The following NPEPPS variants were observed in gnomAD, a reference collection of about 807,000 sequenced individuals.
The protein encoded by NPEPPS is aminopeptidase puromycin sensitive.
In NPEPPS, 14 loss-of-function variants were observed where a neutral mutation model predicts 115.5. The observed-to-expected ratio is 0.12, with a 90% CI of 0.08 to 0.19. The LOEUF is 0.19. Among genes scored for constraint, NPEPPS ranks in the 10% least tolerant of loss-of-function variants. NPEPPS has a pLI of 1.00. For synonymous variants in NPEPPS, 285 were observed against 390.6 expected, an observed-to-expected ratio of 0.73 and a Z score of 3.19; for missense variants, 523 against 1,110.8, an observed-to-expected ratio of 0.47 and a Z score of 7.52.
chr17:47,553,778 C>T (rs1243638546), intron 2 of NPEPPS, among the ~76,000 whole-genome samples: 3 of 146,298 alleles, frequency 2.1e-5, no homozygotes, highest in African/African-American at 5.1e-5. Context: ...TTTTTTGAGA[C>T]GTTGCTCTGT....
chr17:47,554,123 C>T (rs951827285), intron 2 of NPEPPS, among the ~76,000 whole-genome samples: 4 of 151,334 alleles, frequency 2.6e-5, no homozygotes, highest in East Asian at 1.9e-4. Context: ...TCACTGCAAC[C>T]GCTGCCTCCT....
intron 1 of NPEPPS, among the ~76,000 whole-genome samples, chr17:47,538,869 C>T (rs918192526): frequency 3.3e-5 from 5 of 152,132 alleles, no homozygotes; most frequent in African/African-American, 7.2e-5. Context: ...TTTCCTTACT[C>T]TCATGTTCTT....
At chr17:47,567,295 A>G (rs1430850553) in intron 2 of NPEPPS, among the ~76,000 whole-genome samples, 2 of 152,190 alleles carry the variant, frequency 1.3e-5, no homozygotes. Context: ...ACAGTTTCTT[A>G]ATTGGTTTTG....
At position 47,590,675 on chromosome 17, in the gene NPEPPS, A is replaced by G. The variant is rs148008304; in HGVS notation, c.1096-42A>G. ...AGTGTTTTAGATTAGTAGAATGACA[A>G]TCATTTCATTTTCTTTAAGTATTTT... On this transcript the variant is annotated intron_variant, in intron 9 of 22. Transcript: ENST00000322157. 671 of 1,582,176 alleles carry G rather than the reference A, an allele frequency of 4.2e-4. 11 individuals are homozygous for G. In the East Asian group the frequency reaches 0.014, roughly 32 times the overall value.
Position 47,612,152 on chromosome 17 carries a change from G to C in NPEPPS, c.2096-308G>C, listed in dbSNP as rs958746975. On this transcript the variant is annotated intron_variant, in intron 17 of 22. Transcript: ENST00000322157. ...GGTCAAAACAGCATGATGTAAGCCTGTCCTTTTCACACATAATCCTTAGCA... is the reference window on the plus strand; with the variant it reads ...GGTCAAAACAGCATGATGTAAGCCTCTCCTTTTCACACATAATCCTTAGCA... Among the ~76,000 whole-genome samples the C allele has an allele frequency of 7.2e-5, 11 of 152,086 alleles. No individual in the cohort carries two copies. In the East Asian group the frequency reaches 2.1e-3, roughly 29 times the overall value.
chr17:47,530,963 C>G (rs1473472202), upstream of NPEPPS: 1 of 152,224 alleles, frequency 6.6e-6, no homozygotes, highest in Non-Finnish European at 1.5e-5. Flanking sequence ...CGCCTCCAGC[C>G]CTGCGCTCGC....
At chr17:47,598,713 CAGTT>C (rs1340216089) in intron 13 of NPEPPS, among the ~76,000 whole-genome samples, 5 of 152,186 alleles carry the variant, frequency 3.3e-5, no homozygotes, top group African/African-American at 4.8e-5. Context: ...AATAGTTTAT[CAGTT>C]AGAACAGAGA....
rs752753297 is a variant in NPEPPS at position 47,592,523 on chromosome 17, C to T, written c.1404C>T (p.Phe468=). Residue 468 remains phenylalanine, a synonymous_variant, in exon 12 of 23, where the codon TTC becomes TTT. Coordinates refer to ENST00000322157, the MANE Select transcript of NPEPPS (RefSeq NM_006310.4). ...GAATGAACATGTATTTAACCAAGTT[C>T]CAACAAAAGAATGCTGCCACAGGTA... ...KKGMNMYLTK[F]QQKNAATEDL... is the part of the protein sequence containing the mutation. The T allele has an allele frequency of 6.0e-5, 95 of 1,594,450 alleles. 1 individual carries two copies. Among genetic ancestry groups the T allele is most frequent in the Non-Finnish European group, 8.0e-5 (93 of 1,169,736 alleles).
rs1567876509 is a variant in NPEPPS at position 47,621,880 on chromosome 17, A to G, written c.2720A>G (p.Gln907Arg). The G allele has an allele frequency of 1.2e-6, 2 of 1,613,750 alleles. No individual in the cohort carries two copies. Among genetic ancestry groups the G allele is most frequent in the African/African-American group, 1.3e-5 (1 of 75,068 alleles). Residue 907 changes from glutamine to arginine, a missense_variant, in exon 23 of 23, where the codon CAG (glutamine) becomes CGG (arginine). Physicochemically the swap from Gln to Arg is conservative, Grantham distance 43 (BLOSUM62 1). Transcript: ENST00000322157. The stretch of plus-strand genomic sequence containing the variant: ...AAGCGAGATGCTGAGAGCATCCACC[A>G]GTACCTCCTTCAGCGGAAGGCCTCA... ...WLKRDAESIH[Q>R]YLLQRKASPP...
intron 2 of NPEPPS, chr17:47,559,462 T>TA (rs1910286695): frequency 1.0e-5 from 2 of 194,156 alleles, no homozygotes; most frequent in East Asian, 3.2e-4. Context: ...TTTTTTAAAG[T>TA]AACTTCGCGT....
intron 17 of NPEPPS, among the ~76,000 whole-genome samples, chr17:47,606,301 C>T (rs1913512938): frequency 6.6e-6 from 1 of 152,078 alleles, no homozygotes; most frequent in East Asian, 1.9e-4. Flanking sequence ...TCTTTTTGCT[C>T]TCATTTAAAT....
At chr17:47,599,041 T>C (rs1435914224) in intron 13 of NPEPPS, among the ~76,000 whole-genome samples, 1 of 152,208 alleles carries the variant, frequency 6.6e-6, no homozygotes, top group African/African-American at 2.4e-5. Flanking sequence ...GCCTGTCTGT[T>C]GCTCTTAATT....
At position 47,585,520 on chromosome 17, in the gene NPEPPS, A is replaced by T. The variant is rs1912130890; in HGVS notation, c.669A>T (p.Pro223=). The T allele has an allele frequency of 6.2e-7, 1 of 1,613,370 alleles. No homozygotes were observed. The highest frequency in any genetic ancestry group is 1.1e-5 in the South Asian group (1 of 91,074). Residue 223 remains proline (P), a synonymous_variant, in exon 6 of 23, where the codon CCA becomes CCT. Transcript: ENST00000322157. ...LSNMNVIDRK[P]YPDDENLVEV... ...TAAAGAATGTAATTGACCGGAAACC[A>T]TACCCTGATGATGAAAATTTAGTGG...
At chr17:47,538,202 CTTTTTTTTTTTTTTTTT>C (rs543559258) in intron 1 of NPEPPS, among the ~76,000 whole-genome samples, 13 of 58,498 alleles carry the variant, frequency 2.2e-4, no homozygotes, top group Admixed American at 5.2e-4. Flanking sequence ...CATATCTGTT[CTTTTTTTTTTTTTTTTT>C]TTTTTTGAGA....
intron 3 of NPEPPS, among the ~76,000 whole-genome samples, chr17:47,572,042 C>A (rs145356352): frequency 1.3e-4 from 20 of 151,784 alleles, no homozygotes; most frequent in Non-Finnish European, 2.5e-4. Context: ...AGTGAGCGGG[C>A]AGCCACTCTC....
intron 1 of NPEPPS, among the ~76,000 whole-genome samples, chr17:47,543,475 CCTGG>C (rs1329542984): frequency 6.7e-6 from 1 of 148,162 alleles, no homozygotes; most frequent in African/African-American, 2.5e-5. Flanking sequence ...GCACCACAGG[CCTGG>C]CTAATTTTTT....
chr17:47,610,393 T>TG (rs1567870516), intron 17 of NPEPPS, among the ~76,000 whole-genome samples: 68 of 151,730 alleles, frequency 4.5e-4, no homozygotes, highest in African/African-American at 1.4e-3. Context: ...CCTTTTTTTT[T>TG]TGGGGGGGGG....
intron 22 of NPEPPS, among the ~76,000 whole-genome samples, chr17:47,621,390 G>A (rs956131153): frequency 2.6e-5 from 4 of 152,080 alleles, no homozygotes; most frequent in Admixed American, 1.3e-4. Flanking sequence ...TTTTCTCATA[G>A]TTGAGAAAAC....
At chr17:47,546,658 G>GC (rs1281919407) in intron 2 of NPEPPS, among the ~76,000 whole-genome samples, 12 of 152,032 alleles carry the variant, frequency 7.9e-5, no homozygotes, top group African/African-American at 2.7e-4. Flanking sequence ...CCCTGCCTCA[G>GC]CCTCCTGAGT....
Sources: gnomAD v4.1 joint callset for allele counts (sites outside exome capture counted in the v4.1 genomes callset) on GRCh38, gnomAD v4.1.1 for gene constraint, MANE v1.5 for transcripts, NCBI Gene and HGNC (gene_info 2026-07-23, HGNC 2026-07-21) for gene names.